NLGN4X: variants seen among roughly 807,000 people sequenced by gnomAD.
NLGN4X encodes neuroligin 4 X-linked, also known as neuroligin-4, X-linked.
NLGN4X carries 3 observed loss-of-function variants against 40.3 expected under a neutral mutation model. That is an observed-to-expected ratio of 0.07 (90% CI 0.03 to 0.19). The LOEUF (loss-of-function observed/expected upper bound fraction) is 0.19. NLGN4X is among the 10% of genes least tolerant of loss of function. NLGN4X has a pLI of 1.00. For synonymous variants in NLGN4X, 270 were observed against 306.8 expected (o/e 0.88, Z 1.25); for missense variants, 382 against 708.3 (o/e 0.54, Z 5.23).
At position 5,968,685 on chromosome X, in the gene NLGN4X, T is replaced by A. The variant is rs192971108; in HGVS notation, c.626-59446A>T. Reference sequence around the variant, plus strand: ...AAACAAATGTGCATTTTTAATGACATAGTTTTTCTGGACCATTCACCGTCC... The same window carrying A: ...AAACAAATGTGCATTTTTAATGACAAAGTTTTTCTGGACCATTCACCGTCC... On this transcript the variant is annotated intron_variant, in intron 3 of 5. Transcript: ENST00000381095. Among the ~76,000 whole-genome samples the A allele has an allele frequency of 5.5e-5, 6 of 108,175 alleles. No individual in the cohort carries two copies. The East Asian group carries it at 1.8e-3, about 32-fold the overall frequency. 93.9% of individuals were successfully genotyped at this position (108,175 alleles called of 115,157 possible).
At chrX:6,011,498 G>A (rs376119790) in intron 3 of NLGN4X, among the ~76,000 whole-genome samples, 302 of 109,875 alleles carry the variant, frequency 2.7e-3, no homozygotes, top group African/African-American at 9.6e-3. Context: ...TATTTTCACC[G>A]GCCAAACACT....
chrX:6,043,011 G>A (rs2147265563), intron 2 of NLGN4X, among the ~76,000 whole-genome samples: 1 of 106,605 alleles, frequency 9.4e-6, no homozygotes, highest in East Asian at 3.0e-4. Flanking sequence ...AGGAGGCGGA[G>A]GCTGCAGTGA....
At position 5,893,299 on chromosome X, in the gene NLGN4X, C is replaced by CT. The variant is rs1324052457; in HGVS notation, c.1968dup (p.Gly657ArgfsTer3). ...ATGAGGACAGTTGTGTCCTCAGGCC[C>CT]TGTTTTGTGAGGGTCCTTAGAGTGT... On this transcript the variant is annotated frameshift_variant, in exon 6 of 6. Transcript: ENST00000381095. LOFTEE classifies it high-confidence loss of function. 1 of 1,208,457 alleles carries CT rather than the reference C, an allele frequency of 8.3e-7. No individual in the cohort carries two copies. Among genetic ancestry groups the CT allele is most frequent in the Non-Finnish European group, 1.1e-6 (1 of 894,937 alleles).
chrX:6,107,163 A>G (rs1226196212), intron 2 of NLGN4X, among the ~76,000 whole-genome samples: 1 of 112,067 alleles, frequency 8.9e-6, no homozygotes, highest in Non-Finnish European at 1.9e-5. Context: ...GCTCTGTTTC[A>G]CTTGATCGTT....
At chrX:6,054,993 C>T (rs5915630) in intron 2 of NLGN4X, among the ~76,000 whole-genome samples, 38,952 of 111,067 alleles carry the variant, frequency 0.35, 5,077 homozygotes, top group Non-Finnish European at 0.39. Context: ...AGAGTGATTC[C>T]ATGCCAGAAA....
At chrX:6,068,465 C>T (rs142527101) in intron 2 of NLGN4X, among the ~76,000 whole-genome samples, 2,375 of 111,332 alleles carry the variant, frequency 0.021, 60 homozygotes, top group African/African-American at 0.07. Context: ...CTGCTTATGC[C>T]TGACGTTCCC....
intron 2 of NLGN4X, among the ~76,000 whole-genome samples, chrX:6,088,404 A>G (rs1253357633): frequency 8.9e-6 from 1 of 111,881 alleles, no homozygotes; most frequent in African/African-American, 3.2e-5. Context: ...AACATCAGAC[A>G]CAGGCATGGC....
intron 1 of NLGN4X, among the ~76,000 whole-genome samples, chrX:6,160,323 T>C (rs914413781): frequency 1.1e-4 from 12 of 111,171 alleles, no homozygotes; most frequent in Admixed American, 1.9e-4. Flanking sequence ...CCAGATAACC[T>C]TTATTAGCAG....
intron 1 of NLGN4X, among the ~76,000 whole-genome samples, chrX:6,165,928 T>A (rs1337740617): frequency 1.8e-5 from 2 of 111,542 alleles, no homozygotes; most frequent in South Asian, 3.8e-4. Context: ...AATCACATCA[T>A]GAAGAATGGG....
chrX:6,034,074 T>C (rs1002156765), intron 2 of NLGN4X, among the ~76,000 whole-genome samples: 1 of 112,504 alleles, frequency 8.9e-6, no homozygotes, highest in Non-Finnish European at 1.9e-5. Context: ...GATAATGCTG[T>C]TTCCATATAT....
chrX:6,097,921 G>GA (rs1206809708), intron 2 of NLGN4X, among the ~76,000 whole-genome samples: 18 of 105,417 alleles, frequency 1.7e-4, no homozygotes, highest in East Asian at 8.8e-4. Flanking sequence ...CCTTTGGGAA[G>GA]AAAAAAAAAA....
At chrX:6,050,651 GATCT>G (rs1180954241) in intron 2 of NLGN4X, among the ~76,000 whole-genome samples, 1 of 109,926 alleles carries the variant, frequency 9.1e-6, no homozygotes, top group Non-Finnish European at 1.9e-5. Context: ...TCTATCCATC[GATCT>G]ATCATCTATC....
chrX:5,925,881 C>CACACATATATATAT (rs2033272520), intron 3 of NLGN4X, among the ~76,000 whole-genome samples: 1 of 19,518 alleles, frequency 5.1e-5, no homozygotes, highest in Non-Finnish European at 1.0e-4. Context: ...TACATACACA[C>CACACATATATATAT]ATATATATAT....
intron 2 of NLGN4X, among the ~76,000 whole-genome samples, chrX:6,123,897 T>C (rs181892723): frequency 5.7e-4 from 60 of 105,770 alleles, no homozygotes; most frequent in African/African-American, 2.0e-3. Context: ...TAAAATAAAA[T>C]GTCAGAAGTG....
At chrX:6,204,892 A>T (rs1482420385) in intron 1 of NLGN4X, among the ~76,000 whole-genome samples, 3 of 111,867 alleles carry the variant, frequency 2.7e-5, no homozygotes, top group African/African-American at 9.8e-5. Context: ...GAAATTCAGC[A>T]ACAAAATGGA....
chrX:6,086,390 A>G (rs191478044), intron 2 of NLGN4X, among the ~76,000 whole-genome samples: 80 of 111,876 alleles, frequency 7.2e-4, no homozygotes, highest in African/African-American at 2.3e-3. Flanking sequence ...GAAGCAATGA[A>G]TAATAGGAAA....
intron 3 of NLGN4X, among the ~76,000 whole-genome samples, chrX:5,944,524 C>T (rs1260585107): frequency 9.2e-6 from 1 of 108,618 alleles, no homozygotes; most frequent in Non-Finnish European, 1.9e-5. Flanking sequence ...TGGCATACCC[C>T]TGTATTCCAG....
intron 2 of NLGN4X, among the ~76,000 whole-genome samples, chrX:6,083,638 A>G (rs2038425307): frequency 8.9e-6 from 1 of 112,193 alleles, no homozygotes; most frequent in Non-Finnish European, 1.9e-5. Context: ...CATAGCTAGG[A>G]ATGTTCTGCA....
At chrX:6,045,139 G>C (rs1233959058) in intron 2 of NLGN4X, among the ~76,000 whole-genome samples, 1 of 112,490 alleles carries the variant, frequency 8.9e-6, no homozygotes, top group Non-Finnish European at 1.9e-5. Context: ...ACTGCAAAAA[G>C]TGATTGTTTC....
Sources: gnomAD v4.1 joint callset for allele counts (sites outside exome capture counted in the v4.1 genomes callset) on GRCh38, gnomAD v4.1.1 for gene constraint, MANE v1.5 for transcripts, NCBI Gene and HGNC (gene_info 2026-07-23, HGNC 2026-07-21) for gene names.